FNDC3B: variants seen among roughly 807,000 people sequenced by gnomAD.
The protein encoded by FNDC3B is fibronectin type III domain containing 3B.
In FNDC3B, 12 loss-of-function variants were observed where a neutral mutation model predicts 151.5. The observed-to-expected ratio is 0.08, with a 90% CI of 0.05 to 0.13. The LOEUF is 0.13. Among genes scored for constraint, FNDC3B ranks in the 10% least tolerant of loss-of-function variants. FNDC3B has a pLI of 1.00. For synonymous variants in FNDC3B, 528 were observed against 549.0 expected, an observed-to-expected ratio of 0.96 and a Z score of 0.54; for missense variants, 1,214 against 1,505.3, an observed-to-expected ratio of 0.81 and a Z score of 3.20.
chr3:172,119,451 G>A (rs1559974909), intron 2 of FNDC3B, among the ~76,000 whole-genome samples: 3 of 151,882 alleles, frequency 2.0e-5, no homozygotes, highest in African/African-American at 4.8e-5. Context: ...ATTGCAGAGT[G>A]TCACAGTGCT....
At chr3:172,236,952 GGTAAA>G (rs921722493) in intron 4 of FNDC3B, among the ~76,000 whole-genome samples, 44 of 152,228 alleles carry the variant, frequency 2.9e-4, no homozygotes, top group African/African-American at 1.1e-3. Flanking sequence ...TAGGTGTTCT[GGTAAA>G]GTACTCACAG....
intron 11 of FNDC3B, among the ~76,000 whole-genome samples, chr3:172,312,770 C>A (rs1239348390): frequency 6.6e-6 from 1 of 152,070 alleles, no homozygotes; most frequent in Non-Finnish European, 1.5e-5. Flanking sequence ...CAGTGGGAAA[C>A]CTCCAAAGAA....
intron 2 of FNDC3B, among the ~76,000 whole-genome samples, chr3:172,127,662 A>G (rs555239572): frequency 7.4e-4 from 113 of 152,252 alleles, no homozygotes; most frequent in Admixed American, 2.6e-3. Context: ...TTAAACAAAG[A>G]ACAGCACATT....
At chr3:172,203,890 A>G (rs1322665563) in intron 3 of FNDC3B, among the ~76,000 whole-genome samples, 1 of 152,216 alleles carries the variant, frequency 6.6e-6, no homozygotes, top group Non-Finnish European at 1.5e-5. Context: ...AGACAGACAT[A>G]GCTTCTAAGA....
At chr3:172,284,407 A>C (rs1033277131) in intron 6 of FNDC3B, among the ~76,000 whole-genome samples, 1 of 152,140 alleles carries the variant, frequency 6.6e-6, no homozygotes, top group Non-Finnish European at 1.5e-5. Flanking sequence ...CCTCAATCTT[A>C]TGTTTGTTAG....
At chr3:172,181,375 C>T (rs1402247869) in intron 3 of FNDC3B, among the ~76,000 whole-genome samples, 2 of 119,988 alleles carry the variant, frequency 1.7e-5, no homozygotes, top group Non-Finnish European at 3.2e-5. Flanking sequence ...GAGCTGGGTG[C>T]CAGAGTGAGA....
intron 1 of FNDC3B, among the ~76,000 whole-genome samples, chr3:172,096,262 A>T (rs1232872249): frequency 6.6e-6 from 1 of 152,270 alleles, no homozygotes; most frequent in Non-Finnish European, 1.5e-5. Flanking sequence ...CTCAGAAGAT[A>T]GAAAATGCAC....
At position 172,315,452 on chromosome 3, in the gene FNDC3B, C is replaced by T. The variant is rs148696499; in HGVS notation, c.1254+4571C>T. On this transcript the variant is annotated intron_variant, in intron 11 of 25. Transcript: ENST00000415807. ...CTTCAGTTTCGATTTTCACCTGAAA[C>T]AGGTCAGTTTTTATTACTTGAGAAG... is the stretch of plus-strand genomic sequence containing the variant. Among the ~76,000 whole-genome samples, 515 of 152,296 alleles carry T rather than the reference C, an allele frequency of 3.4e-3. 1 individual carries two copies. The highest frequency in any genetic ancestry group is 0.012 in the African/African-American group (493 of 41,566).
At chr3:172,179,862 A>G in intron 3 of FNDC3B, among the ~76,000 whole-genome samples, 1 of 10,686 alleles carries the variant, frequency 9.4e-5, no homozygotes, top group African/African-American at 3.1e-4. Flanking sequence ...TGTCTCCAAA[A>G]AAAAAAAAAA....
chr3:172,168,951 G>GA (rs1281351900), intron 3 of FNDC3B, among the ~76,000 whole-genome samples: 1 of 150,504 alleles, frequency 6.6e-6, no homozygotes, highest in Non-Finnish European at 1.5e-5. Flanking sequence ...GACCTCAGAT[G>GA]ATCTGCCTGC....
At chr3:172,117,051 G>C (rs1436333819) in intron 2 of FNDC3B, among the ~76,000 whole-genome samples, 1 of 152,144 alleles carries the variant, frequency 6.6e-6, no homozygotes, top group Non-Finnish European at 1.5e-5. Context: ...ACAGATTCTT[G>C]TGTGGACATG....
chr3:172,224,174 G>T (rs1726432151), intron 3 of FNDC3B, among the ~76,000 whole-genome samples: 1 of 152,158 alleles, frequency 6.6e-6, no homozygotes, highest in Admixed American at 6.5e-5. Flanking sequence ...TTTTTAATGA[G>T]TCAATTCAAA....
chr3:172,075,592 G>A (rs1717968589), intron 1 of FNDC3B, among the ~76,000 whole-genome samples: 1 of 152,040 alleles, frequency 6.6e-6, no homozygotes, highest in African/African-American at 2.4e-5. Context: ...ATTTTTTGTT[G>A]TTGAAACATG....
At chr3:172,335,367 AT>A (rs944461787) in intron 15 of FNDC3B, 8 of 239,472 alleles carry the variant, frequency 3.3e-5, no homozygotes, top group Admixed American at 1.6e-4. Flanking sequence ...CTGTTTACAT[AT>A]TTTTTTCTCC....
At chr3:172,334,389 A>C (rs935117442) in intron 14 of FNDC3B, among the ~76,000 whole-genome samples, 9 of 142,790 alleles carry the variant, frequency 6.3e-5, no homozygotes, top group African/African-American at 2.3e-4. Flanking sequence ...TTGTTTTATC[A>C]TGTCTTTTTG....
intron 3 of FNDC3B, among the ~76,000 whole-genome samples, chr3:172,219,466 TTGTTA>T (rs1479645702): frequency 7.9e-5 from 12 of 152,226 alleles, no homozygotes; most frequent in African/African-American, 2.7e-4. Context: ...AATTCTTTTT[TTGTTA>T]AGGTGAAATG....
intron 10 of FNDC3B, among the ~76,000 whole-genome samples, chr3:172,307,946 A>G (rs959523928): frequency 6.6e-6 from 1 of 152,164 alleles, no homozygotes; most frequent in African/African-American, 2.4e-5. Context: ...TACTTAAAAT[A>G]CCTACATCTT....
chr3:172,324,584 C>T (rs1732249853), intron 11 of FNDC3B, among the ~76,000 whole-genome samples: 1 of 152,138 alleles, frequency 6.6e-6, no homozygotes. Flanking sequence ...TAACCTTGCC[C>T]TTGAATGAAC....
At chr3:172,048,276 G>A (rs1946506645) in intron 1 of FNDC3B, among the ~76,000 whole-genome samples, 1 of 151,912 alleles carries the variant, frequency 6.6e-6, no homozygotes, top group Non-Finnish European at 1.5e-5. Context: ...GTATTTTAAA[G>A]GTTTTAAAAA....
Sources: allele counts gnomAD v4.1 joint callset (sites outside exome capture counted in the v4.1 genomes callset), GRCh38; gene constraint gnomAD v4.1.1; transcripts MANE v1.5; gene names NCBI Gene and HGNC (gene_info 2026-07-23, HGNC 2026-07-21).